TTC9: variants seen among roughly 807,000 people sequenced by gnomAD.
TTC9 encodes tetratricopeptide repeat domain 9.
TTC9 carries 13 observed loss-of-function variants against 22.9 expected under a neutral mutation model. The observed-to-expected ratio is 0.57, with a 90% CI of 0.37 to 0.90. The LOEUF (loss-of-function observed/expected upper bound fraction) is 0.90. Among genes scored for constraint, TTC9 ranks in the 40% least tolerant of loss-of-function variants. The probability of loss-of-function intolerance (pLI) is 0.01; values close to 1 mark genes in which losing one functional copy is unlikely to be tolerated. For synonymous variants in TTC9, 148 were observed against 133.2 expected (o/e 1.11, Z -0.77); for missense variants, 280 against 291.8 (o/e 0.96, Z 0.29).
In TTC9 at chr14:70,671,359, A is replaced by T; in HGVS notation, c.*204A>T. The T allele has an allele frequency of 4.0e-6, 2 of 493,970 alleles. No individual in the cohort carries two copies. Among genetic ancestry groups the T allele is most frequent in the Non-Finnish European group, 7.4e-6 (2 of 270,650 alleles). 30.6% of individuals were successfully genotyped at this position (493,970 alleles called of 1,614,324 possible). A position where few individuals can be genotyped will look rare whatever the true frequency, so the allele number is the denominator to read the frequency against. ...TTGGAATCTGGTAGGTCGCCCAGAC[A>T]ATGGAGACATCCTCTCCTCTAGCAG... On this transcript the variant is annotated 3_prime_UTR_variant, in exon 3 of 3. Coordinates refer to ENST00000256367, the MANE Select transcript of TTC9 (RefSeq NM_015351.2).
intron 2 of TTC9, among the ~76,000 whole-genome samples, chr14:70,668,842 C>T (rs141440980): frequency 2.6e-5 from 3 of 117,076 alleles, no homozygotes; most frequent in African/African-American, 1.0e-4. Flanking sequence ...CAGAACAAGA[C>T]CTTGTCTAAA....
At chr14:70,649,891 C>G (rs1026773507) in intron 1 of TTC9, among the ~76,000 whole-genome samples, 1 of 152,130 alleles carries the variant, frequency 6.6e-6, no homozygotes, top group African/African-American at 2.4e-5. Flanking sequence ...TGTTCTGAAA[C>G]CAGGTCATTG....
In TTC9 at chr14:70,674,168, T is replaced by A. The variant is rs1886335762; in HGVS notation, c.*3013T>A. 6.6e-6 allele frequency: 1 copy of A among 152,204 alleles called. No individual in the cohort carries two copies. The highest frequency in any genetic ancestry group is 2.1e-4 in the South Asian group (1 of 4,832). 9.4% of individuals were successfully genotyped at this position (152,204 alleles called of 1,614,324 possible). ...GATTTAATTCCGTACGTTGCGGATG[T>A]CACTGCTGACCTATGTAGCTGGAGT... is the stretch of plus-strand genomic sequence containing the variant. On this transcript the variant is annotated 3_prime_UTR_variant, in exon 3 of 3. Coordinates refer to ENST00000256367, the MANE Select transcript of TTC9 (RefSeq NM_015351.2).
At chr14:70,650,314 T>G (rs759299160) in intron 1 of TTC9, among the ~76,000 whole-genome samples, 20 of 151,646 alleles carry the variant, frequency 1.3e-4, no homozygotes, top group Non-Finnish European at 2.6e-4. Context: ...TCCCAGCTAC[T>G]GGGGAGGCTG....
intron 1 of TTC9, among the ~76,000 whole-genome samples, chr14:70,643,660 C>T (rs192508349): frequency 1.2e-3 from 189 of 152,146 alleles, no homozygotes; most frequent in African/African-American, 4.3e-3. Flanking sequence ...TGTCTGAAGC[C>T]GAGGCAGTGG....
intron 1 of TTC9, among the ~76,000 whole-genome samples, chr14:70,644,562 G>A (rs1296237838): frequency 6.6e-6 from 1 of 152,138 alleles, no homozygotes; most frequent in Admixed American, 6.6e-5. Context: ...ATCATACTTT[G>A]ATGCACAAAG....
intron 1 of TTC9, among the ~76,000 whole-genome samples, chr14:70,644,035 C>T (rs958993544): frequency 5.3e-5 from 8 of 152,136 alleles, no homozygotes; most frequent in African/African-American, 9.7e-5. Context: ...TGTCTGCTGC[C>T]CCATGAATAG....
chr14:70,665,467 G>A (rs1886202439), intron 1 of TTC9, among the ~76,000 whole-genome samples: 1 of 150,762 alleles, frequency 6.6e-6, no homozygotes, highest in East Asian at 1.9e-4. Context: ...GGAGAGGGGA[G>A]GGGGGCTTGT....
intron 1 of TTC9, 34 bp downstream of exon 1, chr14:70,642,569 C>G (rs892587715): frequency 1.5e-5 from 22 of 1,514,590 alleles, no homozygotes; most frequent in East Asian, 1.0e-4. Context: ...GCCGCGGTCC[C>G]CGTTCTTCGG....
intron 1 of TTC9, among the ~76,000 whole-genome samples, chr14:70,666,019 G>A (rs1886210332): frequency 6.6e-6 from 1 of 152,004 alleles, no homozygotes; most frequent in South Asian, 2.1e-4. Context: ...CCTTTTTCCT[G>A]TCTCTTTTTT....
intron 1 of TTC9, among the ~76,000 whole-genome samples, chr14:70,660,715 C>T (rs1226646434): frequency 1.3e-5 from 2 of 152,210 alleles, no homozygotes; most frequent in African/African-American, 4.8e-5. Context: ...CCAGGGCACC[C>T]AGAGCTGGTA....
intron 1 of TTC9, among the ~76,000 whole-genome samples, chr14:70,661,156 A>G (rs1886140228): frequency 6.6e-6 from 1 of 152,142 alleles, no homozygotes; most frequent in South Asian, 2.1e-4. Flanking sequence ...CTGGCTTTGT[A>G]GATAGCCGTC....
At chr14:70,659,163 T>G (rs867351600) in intron 1 of TTC9, among the ~76,000 whole-genome samples, 1 of 96,534 alleles carries the variant, frequency 1.0e-5, no homozygotes. Context: ...CACACACACA[T>G]ACTGGGTACA....
chr14:70,663,226 A>G (rs1280289541), intron 1 of TTC9, among the ~76,000 whole-genome samples: 2 of 152,020 alleles, frequency 1.3e-5, no homozygotes, highest in Non-Finnish European at 1.5e-5. Context: ...TGGCTTCCCA[A>G]ACTTTCTGAA....
Position 70,673,333 on chromosome 14 carries a change from C to T in TTC9, c.*2178C>T, listed in dbSNP as rs1886322544. 1 of 152,218 alleles carries T rather than the reference C, an allele frequency of 6.6e-6. No homozygotes were observed. The highest frequency in any genetic ancestry group is 2.4e-5 in the African/African-American group (1 of 41,436). The allele number at this position is 152,218 out of a possible 1,614,324, so 9.4% of individuals were successfully genotyped here. On this transcript the variant is annotated 3_prime_UTR_variant, in exon 3 of 3. Transcript: ENST00000256367. Reference sequence around the variant, plus strand: ...CAGCGTAAGTTATATTCACATAGTTCCCCAAAGGCTTTCAACGGGGGCTAC... The same window carrying T: ...CAGCGTAAGTTATATTCACATAGTTTCCCAAAGGCTTTCAACGGGGGCTAC...
Position 70,672,805 on chromosome 14 carries a change from A to T in TTC9, c.*1650A>T, listed in dbSNP as rs1320543818. 4 of 152,354 alleles carry T rather than the reference A, an allele frequency of 2.6e-5. No individual in the cohort carries two copies. The highest frequency in any genetic ancestry group is 4.1e-4 in the South Asian group (2 of 4,828). The allele number at this position is 152,354 out of a possible 1,614,324, so 9.4% of individuals were successfully genotyped here. A position where few individuals can be genotyped will look rare whatever the true frequency, so the allele number is the denominator to read the frequency against. ...ATATTGAAAACCAGAAAAATTAATTATCCCAAGGTTGCATGGCCTTTAGTG... is the reference window on the plus strand; with the variant it reads ...ATATTGAAAACCAGAAAAATTAATTTTCCCAAGGTTGCATGGCCTTTAGTG... On this transcript the variant is annotated 3_prime_UTR_variant, in exon 3 of 3. Coordinates refer to ENST00000256367, the MANE Select transcript of TTC9 (RefSeq NM_015351.2).
At chr14:70,645,759 C>T (rs1245598751) in intron 1 of TTC9, among the ~76,000 whole-genome samples, 1 of 152,190 alleles carries the variant, frequency 6.6e-6, no homozygotes, top group African/African-American at 2.4e-5. Flanking sequence ...CCAACAAGCT[C>T]CAGGTTCTGG....
At chr14:70,664,742 AAAG>A (rs1886190700) in intron 1 of TTC9, among the ~76,000 whole-genome samples, 1 of 151,006 alleles carries the variant, frequency 6.6e-6, no homozygotes. Context: ...AAAAAAAAAA[AAAG>A]AGTCCTGGCC....
At chr14:70,648,993 C>T (rs1440205216) in intron 1 of TTC9, among the ~76,000 whole-genome samples, 2 of 152,152 alleles carry the variant, frequency 1.3e-5, no homozygotes, top group Non-Finnish European at 2.9e-5. Flanking sequence ...TGAAGTGGTA[C>T]TAACAAGCTC....
Sources: gnomAD v4.1 joint callset for allele counts (sites outside exome capture counted in the v4.1 genomes callset) on GRCh38, gnomAD v4.1.1 for gene constraint, MANE v1.5 for transcripts, NCBI Gene and HGNC (gene_info 2026-07-23, HGNC 2026-07-21) for gene names.